The following TRDN variants were observed in gnomAD, a reference collection of about 807,000 sequenced individuals.
TRDN encodes the protein triadin in skeletal muscle.
In TRDN, 161 loss-of-function variants were observed where a neutral mutation model predicts 149.7. The ratio of observed to expected loss-of-function variants is 1.08; its 90% CI spans 0.95 to 1.23. TRDN has a LOEUF of 1.23. TRDN is among the 50% of genes most tolerant of loss of function. The pLI is 0.00. For missense variants in TRDN, 896 were observed against 823.5 expected, an observed-to-expected ratio of 1.09 and a Z score of -1.08; for synonymous variants, 294 against 250.5, an observed-to-expected ratio of 1.17 and a Z score of -1.64.
intron 21 of TRDN, chr6:123,352,123 T>A (rs765198753): frequency 1.0e-6 from 1 of 978,224 alleles, no homozygotes; most frequent in African/African-American, 1.8e-5. Context: ...CTTTTACATA[T>A]TTTTTTTCAA....
At chr6:123,249,015 C>T (rs1776283073) in intron 38 of TRDN, among the ~76,000 whole-genome samples, 1 of 152,104 alleles carries the variant, frequency 6.6e-6, no homozygotes. Context: ...AAAGATACTA[C>T]ACCATGACCA....
chr6:123,464,371 A>G (rs933596364), intron 10 of TRDN: 17 of 973,352 alleles, frequency 1.7e-5, no homozygotes, highest in South Asian at 1.4e-4. Flanking sequence ...TACATAAAAC[A>G]GTATTTGTGT....
chr6:123,442,452 A>C (rs1774966193), intron 10 of TRDN: 1 of 137,342 alleles, frequency 7.3e-6, no homozygotes, highest in Admixed American at 7.2e-5. Context: ...AGGCTGAGGC[A>C]GGAGAATGGC....
chr6:123,634,930 T>C, intron 1 of TRDN, among the ~76,000 whole-genome samples: 1 of 151,956 alleles, frequency 6.6e-6, no homozygotes, highest in East Asian at 1.9e-4. Flanking sequence ...TCCAAGGCCC[T>C]TTTAAACCCC....
intron 14 of TRDN, among the ~76,000 whole-genome samples, chr6:123,385,462 A>G (rs1781876573): frequency 6.6e-6 from 1 of 151,902 alleles, no homozygotes; most frequent in Non-Finnish European, 1.5e-5. Flanking sequence ...AGAAAATGAA[A>G]TACCAATTTA....
At chr6:123,350,938 AGAG>A in intron 21 of TRDN, 1 of 985,020 alleles carries the variant, frequency 1.0e-6, no homozygotes, top group South Asian at 4.7e-5. Context: ...CTTGTCCACT[AGAG>A]GAGACATTAT....
chr6:123,450,059 C>T (rs1775672298), intron 10 of TRDN, among the ~76,000 whole-genome samples: 1 of 152,174 alleles, frequency 6.6e-6, no homozygotes, highest in Non-Finnish European at 1.5e-5. Context: ...ACAAGAACTG[C>T]TAAAAGGAGC....
At chr6:123,288,415 AG>A (rs1455668438) in intron 24 of TRDN, among the ~76,000 whole-genome samples, 1 of 152,140 alleles carries the variant, frequency 6.6e-6, no homozygotes, top group Non-Finnish European at 1.5e-5. Flanking sequence ...GCCTCTGCAC[AG>A]CAAACGGAAC....
At chr6:123,382,865 G>A (rs1035287821) in intron 14 of TRDN, among the ~76,000 whole-genome samples, 1 of 151,986 alleles carries the variant, frequency 6.6e-6, no homozygotes, top group Non-Finnish European at 1.5e-5. Flanking sequence ...ATGAAAACAA[G>A]AGGTTTTTAA....
At chr6:123,411,149 C>A (rs974082415) in intron 12 of TRDN, among the ~76,000 whole-genome samples, 1 of 150,740 alleles carries the variant, frequency 6.6e-6, no homozygotes, top group Non-Finnish European at 1.5e-5. Flanking sequence ...TGGGTTCAAG[C>A]GATTATCCAA....
chr6:123,297,008 A>G (rs1040579323), intron 24 of TRDN, among the ~76,000 whole-genome samples: 1 of 152,128 alleles, frequency 6.6e-6, no homozygotes, highest in African/African-American at 2.4e-5. Context: ...TATTTTTAAA[A>G]GCAGCAATAA....
chr6:123,337,619 C>T lies in TRDN; in HGVS notation c.1420G>A (p.Glu474Lys). The change falls in exon 22 of 41, where the codon GAA becomes AAA. Residue 474 changes from glutamate (E) to lysine (K), a missense_variant and splice_region_variant. Glu to Lys is a moderately conservative substitution (Grantham distance 56). Transcript: ENST00000334268. ...GKTSSILKDK[E>K]PIKGKEEKVP... ...TATTATATTAAATTAACTCTGTTAC[C>T]TTTATCTTTCAGAATTGAAGAAGTC... is the stretch of plus-strand genomic sequence containing the variant. The T allele has an allele frequency of 7.3e-7, 1 of 1,370,714 alleles. No individual in the cohort carries two copies. Among genetic ancestry groups the T allele is most frequent in the Non-Finnish European group, 9.9e-7 (1 of 1,014,922 alleles). The allele number at this position is 1,370,714 out of a possible 1,614,324, so 84.9% of individuals were successfully genotyped here. A position where few individuals can be genotyped will look rare whatever the true frequency, so the allele number is the denominator to read the frequency against.
chr6:123,593,956 T>A (rs1057152999), intron 1 of TRDN, among the ~76,000 whole-genome samples: 1 of 152,186 alleles, frequency 6.6e-6, no homozygotes, highest in Admixed American at 6.6e-5. Flanking sequence ...GGAAATTGAT[T>A]CCTTCTCAAA....
At chr6:123,489,539 C>G (rs1200627970) in intron 9 of TRDN, 4 of 152,060 alleles carry the variant, frequency 2.6e-5, no homozygotes, top group South Asian at 4.1e-4. Flanking sequence ...TTACCTATTT[C>G]TTAAACAGAA....
intron 24 of TRDN, among the ~76,000 whole-genome samples, chr6:123,283,834 G>T (rs1237595180): frequency 6.7e-6 from 1 of 148,882 alleles, no homozygotes; most frequent in Non-Finnish European, 1.5e-5. Flanking sequence ...AAAAATTCCA[G>T]GAATTGGGTG....
At chr6:123,577,446 G>C (rs1279494316) in intron 1 of TRDN, among the ~76,000 whole-genome samples, 1 of 152,018 alleles carries the variant, frequency 6.6e-6, no homozygotes, top group African/African-American at 2.4e-5. Context: ...ATAGCCTGCA[G>C]CTCCATCCAT....
intron 9 of TRDN, among the ~76,000 whole-genome samples, chr6:123,493,625 C>T (rs376296651): frequency 3.3e-5 from 5 of 152,228 alleles, no homozygotes; most frequent in East Asian, 3.9e-4. Flanking sequence ...GTTTTAAAAA[C>T]TCATTACCAA....
Position 123,221,526 on chromosome 6 carries a change from G to C in TRDN, c.2015-4C>G. The stretch of plus-strand genomic sequence containing the variant: ...GGAGACACATCTTCAGTTCCTTCTA[G>C]TGGATAAAAAATATAAAAGTAAATA... On this transcript the variant is annotated splice_region_variant and splice_polypyrimidine_tract_variant and intron_variant, in intron 39 of 40. Transcript: ENST00000334268. 1 of 1,560,014 alleles carries C rather than the reference G, an allele frequency of 6.4e-7. No individual in the cohort carries two copies. Among genetic ancestry groups the C allele is most frequent in the South Asian group, 1.1e-5 (1 of 87,596 alleles).
At chr6:123,518,203 T>C (rs1779505463) in intron 5 of TRDN, among the ~76,000 whole-genome samples, 1 of 152,084 alleles carries the variant, frequency 6.6e-6, no homozygotes, top group African/African-American at 2.4e-5. Flanking sequence ...CCTTAAAACA[T>C]TGAGATATTA....
Sources: gnomAD v4.1 joint callset for allele counts (sites outside exome capture counted in the v4.1 genomes callset) on GRCh38, gnomAD v4.1.1 for gene constraint, MANE v1.5 for transcripts, NCBI Gene and HGNC (gene_info 2026-07-23, HGNC 2026-07-21) for gene names.